STX6: variants seen among roughly 807,000 people sequenced by gnomAD.
STX6 encodes the protein syntaxin 6, also known as syntaxin-6.
STX6 carries 23 observed loss-of-function variants against 38.0 expected under a neutral mutation model. The ratio of observed to expected loss-of-function variants is 0.60; its 90% CI spans 0.43 to 0.86. STX6 has a LOEUF of 0.86. Among genes scored for constraint, STX6 ranks in the 40% least tolerant of loss-of-function variants. The probability of loss-of-function intolerance (pLI) is 0.00; values close to 1 mark genes in which losing one functional copy is unlikely to be tolerated. For missense variants in STX6, 274 were observed against 312.9 expected (o/e 0.88, Z 0.94); for synonymous variants, 123 against 107.5 (o/e 1.14, Z -0.89).
chr1:181,002,465 T>C, intron 3 of STX6, 141 bp downstream of exon 3: 2 of 553,232 alleles, frequency 3.6e-6, no homozygotes, highest in Non-Finnish European at 6.3e-6. Flanking sequence ...ATCAGAGAAA[T>C]TATATATGGG....
intron 7 of STX6, among the ~76,000 whole-genome samples, chr1:180,980,971 A>G (rs901276165): frequency 1.3e-5 from 2 of 152,218 alleles, no homozygotes; most frequent in Non-Finnish European, 1.5e-5. Context: ...TGCAAGCTGG[A>G]AAAGCAAAAC....
chr1:180,976,762 C>T (rs944717360), intron 7 of STX6, 116 bp from the exon 8 acceptor site: 52 of 931,342 alleles, frequency 5.6e-5, no homozygotes, highest in African/African-American at 8.1e-5. Flanking sequence ...GTGCAAATGA[C>T]GGGGCCATGA....
chr1:180,991,753 G>A (rs1655761928), intron 4 of STX6, among the ~76,000 whole-genome samples: 1 of 152,104 alleles, frequency 6.6e-6, no homozygotes, highest in Non-Finnish European at 1.5e-5. Context: ...ACAGAGCCTG[G>A]CACCTGGCAC....
chr1:180,993,182 T>C (rs1571335873), intron 4 of STX6, among the ~76,000 whole-genome samples, 181 bp downstream of exon 4: 1 of 152,148 alleles, frequency 6.6e-6, no homozygotes, highest in South Asian at 2.1e-4. Flanking sequence ...GAGGGAAATG[T>C]TGACAGGGTG....
chr1:181,001,041 C>A (rs745345052), intron 3 of STX6, among the ~76,000 whole-genome samples: 4 of 152,082 alleles, frequency 2.6e-5, no homozygotes, highest in Admixed American at 6.5e-5. Flanking sequence ...CATCTGAGGT[C>A]CAGAAAGGTT....
chr1:181,018,718 G>A (rs1238520368), intron 1 of STX6, among the ~76,000 whole-genome samples: 2 of 152,126 alleles, frequency 1.3e-5, no homozygotes, highest in Non-Finnish European at 1.5e-5. Context: ...ACCACTGCAT[G>A]TATAAGTTAC....
At chr1:180,979,036 G>C (rs1394920304) in intron 7 of STX6, among the ~76,000 whole-genome samples, 3 of 152,188 alleles carry the variant, frequency 2.0e-5, no homozygotes, top group Non-Finnish European at 4.4e-5. Flanking sequence ...TGATTAATAT[G>C]CTACAGGCTT....
At chr1:181,003,562 C>T (rs1350343202) in intron 2 of STX6, among the ~76,000 whole-genome samples, 1 of 152,060 alleles carries the variant, frequency 6.6e-6, no homozygotes, top group African/African-American at 2.4e-5. Flanking sequence ...ACATACTTGC[C>T]TTTTAATAAT....
intron 6 of STX6, among the ~76,000 whole-genome samples, chr1:180,985,009 G>C (rs1157599316): frequency 2.6e-5 from 4 of 152,154 alleles, no homozygotes; most frequent in Non-Finnish European, 4.4e-5. Context: ...CCACTAGGAG[G>C]ACACCACCAG....
rs1655180189 is a variant in STX6, at chr1:180,973,730, A to C, written c.*2840T>G. 1 of 152,666 alleles carries C rather than the reference A, an allele frequency of 6.6e-6. No individual in the cohort carries two copies. The highest frequency in any genetic ancestry group is 6.5e-5 in the Admixed American group (1 of 15,286). 9.5% of individuals were successfully genotyped at this position (152,666 alleles called of 1,614,324 possible). A position where few individuals can be genotyped will look rare whatever the true frequency, so the allele number is the denominator to read the frequency against. Reference sequence around the variant, plus strand: ...TGATTCTTCACAGTCCGCAGAGACAAGACCAAAAATGAGGACTAAAAACTA... The same window carrying C: ...TGATTCTTCACAGTCCGCAGAGACACGACCAAAAATGAGGACTAAAAACTA... On this transcript the variant is annotated 3_prime_UTR_variant, in exon 8 of 8. Transcript: ENST00000258301.
chr1:181,003,040 C>T (rs1416499474), intron 2 of STX6, among the ~76,000 whole-genome samples: 1 of 152,216 alleles, frequency 6.6e-6, no homozygotes, highest in Non-Finnish European at 1.5e-5. Context: ...ATCACCTTTA[C>T]TAAGACAGCT....
At chr1:181,019,353 GAA>G (rs35983547) in intron 1 of STX6, among the ~76,000 whole-genome samples, 27 of 104,850 alleles carry the variant, frequency 2.6e-4, no homozygotes, top group African/African-American at 8.8e-4. Flanking sequence ...AAATACAGAG[GAA>G]AAAAAAAAAA....
rs142641379 is a variant in STX6, at chr1:180,982,965, C to CT, written c.691+1711dup. The stretch of plus-strand genomic sequence containing the variant: ...AGAAGAAAATGACTCTAGATAGGAG[C>CT]TTCTCTTTGTTTTGGATGTAATAGG... On this transcript the variant is annotated intron_variant, in intron 7 of 7. Coordinates refer to ENST00000258301, the MANE Select transcript of STX6 (RefSeq NM_005819.6). Among the ~76,000 whole-genome samples, 507 of 152,294 alleles carry CT rather than the reference C, an allele frequency of 3.3e-3. 4 individuals carry two copies. The highest frequency in any genetic ancestry group is 0.012 in the African/African-American group (487 of 41,560).
intron 3 of STX6, 59 bp downstream of exon 3, chr1:181,002,547 A>T: frequency 8.1e-7 from 1 of 1,233,964 alleles, no homozygotes; most frequent in Non-Finnish European, 1.2e-6. Context: ...TAAGGGAAAG[A>T]GCTCTAAGAA....
chr1:181,005,598 A>ACAAATAT, intron 1 of STX6, 135 bp from the exon 2 acceptor site: 1 of 780,412 alleles, frequency 1.3e-6, no homozygotes, highest in Non-Finnish European at 2.0e-6. Flanking sequence ...CTCTTCACAG[A>ACAAATAT]CAAATATCAA....
chr1:180,988,010 T>C (rs1314055445), intron 6 of STX6: 5 of 391,216 alleles, frequency 1.3e-5, no homozygotes, highest in South Asian at 2.8e-5. Flanking sequence ...TGTCTGTTTT[T>C]GGAGGTGTTT....
intron 1 of STX6, 112 bp from the exon 2 acceptor site, chr1:181,005,575 T>G: frequency 1.0e-6 from 1 of 983,626 alleles, no homozygotes; most frequent in Non-Finnish European, 1.5e-6. Flanking sequence ...GCAACCACCA[T>G]TCCCACAGAA....
chr1:181,005,150 C>T, intron 2 of STX6, 144 bp downstream of exon 2: 4 of 1,452,996 alleles, frequency 2.8e-6, no homozygotes, highest in Non-Finnish European at 3.6e-6. Context: ...TGGGCAAATA[C>T]TTTAAACATG....
chr1:180,977,142 A>T lies in STX6; in HGVS notation c.692-496T>A, dbSNP rs148870927. Reference sequence around the variant, plus strand: ...ACAGCTGAAAAAGCAAGCTCCAGTGAGACAGCATGATTAATTTCACACCAC... The same window carrying T: ...ACAGCTGAAAAAGCAAGCTCCAGTGTGACAGCATGATTAATTTCACACCAC... On this transcript the variant is annotated intron_variant, in intron 7 of 7. Coordinates refer to ENST00000258301, the MANE Select transcript of STX6 (RefSeq NM_005819.6). 4.6e-5 allele frequency among the ~76,000 whole-genome samples: 7 copies of T among 152,352 alleles called. No homozygotes were observed. The East Asian group carries it at 1.2e-3, about 25-fold the overall frequency.
Sources: allele counts gnomAD v4.1 joint callset (sites outside exome capture counted in the v4.1 genomes callset), GRCh38; gene constraint gnomAD v4.1.1; transcripts MANE v1.5; gene names NCBI Gene and HGNC (gene_info 2026-07-23, HGNC 2026-07-21).